MIB1: variants seen among roughly 807,000 people sequenced by gnomAD.
The protein encoded by MIB1 is E3 ubiquitin-protein ligase MIB1.
Under a neutral mutation model 124.5 loss-of-function variants are expected in MIB1, and 278 were observed. The observed-to-expected ratio is 2.23, with a 90% CI of 2.02 to 2.47. The LOEUF is 2.47. Among genes scored for constraint, MIB1 ranks in the 30% most tolerant of loss-of-function variants. The pLI, the probability that MIB1 is intolerant of heterozygous loss-of-function variation, is 0.00. For synonymous variants in MIB1, 446 were observed against 429.4 expected (o/e 1.04, Z -0.48); for missense variants, 957 against 1,254.4 (o/e 0.76, Z 3.58).
intron 18 of MIB1, among the ~76,000 whole-genome samples, chr18:21,853,554 A>G (rs2042199786): frequency 6.6e-6 from 1 of 152,178 alleles, no homozygotes; most frequent in African/African-American, 2.4e-5. Flanking sequence ...CACATATGAA[A>G]TTAGCACGTC....
At chr18:21,812,744 A>G (rs2041788732) in intron 10 of MIB1, among the ~76,000 whole-genome samples, 1 of 152,192 alleles carries the variant, frequency 6.6e-6, no homozygotes, top group Non-Finnish European at 1.5e-5. Context: ...TCCGTTTTAG[A>G]TTTAATTTGA....
chr18:21,803,526 A>G (rs565357345), intron 9 of MIB1, among the ~76,000 whole-genome samples: 34 of 152,294 alleles, frequency 2.2e-4, no homozygotes, highest in Admixed American at 1.8e-3. Context: ...AGCAGCTAAT[A>G]TCTTTTCTAA....
intron 1 of MIB1, among the ~76,000 whole-genome samples, chr18:21,716,047 C>T (rs2040688433): frequency 6.6e-6 from 1 of 152,110 alleles, no homozygotes; most frequent in Admixed American, 6.6e-5. Flanking sequence ...AGATCATTGC[C>T]TAGGCACATT....
chr18:21,864,421 A>G, intron 20 of MIB1, 105 bp from the exon 21 acceptor site: 1 of 921,076 alleles, frequency 1.1e-6, no homozygotes, highest in East Asian at 2.5e-5. Context: ...AACCACCAAA[A>G]TATTATTTGA....
intron 12 of MIB1, among the ~76,000 whole-genome samples, chr18:21,837,630 G>C (rs1288883944): frequency 6.6e-6 from 1 of 152,050 alleles, no homozygotes; most frequent in Non-Finnish European, 1.5e-5. Flanking sequence ...TCTGCTCTTC[G>C]GTGGTTGGAG....
chr18:21,755,293 T>G (rs1312722891), intron 1 of MIB1, among the ~76,000 whole-genome samples: 1 of 152,168 alleles, frequency 6.6e-6, no homozygotes, highest in African/African-American at 2.4e-5. Flanking sequence ...TTTAAACTTT[T>G]GTTTCTGAGG....
intron 18 of MIB1, among the ~76,000 whole-genome samples, chr18:21,853,678 CAA>C (rs2042200686): frequency 6.6e-6 from 1 of 152,074 alleles, no homozygotes. Flanking sequence ...GCTTTTATGT[CAA>C]GAGAGCTTTT....
rs1568229426 is a variant in MIB1 at position 21,857,151 on chromosome 18, A to AGTGT, written c.2691_2694dup (p.Gln899CysfsTer8). The AGTGT allele has an allele frequency of 6.2e-7, 1 of 1,614,064 alleles. No homozygotes were observed. The highest frequency in any genetic ancestry group is 8.5e-7 in the Non-Finnish European group (1 of 1,179,926). ...CCAGACTGTGCTAACCTGATGAAAA[A>AGTGT]GTGTGTGCAGTGTCGAGCAGTAGTT... On this transcript the variant is annotated frameshift_variant, in exon 19 of 21. Transcript: ENST00000261537. LOFTEE classifies it high-confidence loss of function.
At chr18:21,815,400 A>G (rs1044112065) in intron 10 of MIB1, among the ~76,000 whole-genome samples, 1 of 151,762 alleles carries the variant, frequency 6.6e-6, no homozygotes, top group Non-Finnish European at 1.5e-5. Flanking sequence ...ACTCACATTT[A>G]CAGTTTACTT....
At chr18:21,835,801 CCACA>C (rs774725850) in intron 12 of MIB1, among the ~76,000 whole-genome samples, 33 of 101,584 alleles carry the variant, frequency 3.2e-4, no homozygotes, top group African/African-American at 1.1e-3. Context: ...ATATATATAT[CCACA>C]CACACACACA....
intron 12 of MIB1, among the ~76,000 whole-genome samples, chr18:21,831,886 C>T (rs937130503): frequency 6.6e-6 from 1 of 152,176 alleles, no homozygotes; most frequent in Non-Finnish European, 1.5e-5. Context: ...TGCCAAAATA[C>T]ATTTTATAAC....
chr18:21,811,828 G>T (rs1043300572), intron 10 of MIB1, among the ~76,000 whole-genome samples: 1 of 152,052 alleles, frequency 6.6e-6, no homozygotes, highest in African/African-American at 2.4e-5. Flanking sequence ...TGATATGAAT[G>T]TACTTAATAT....
chr18:21,853,342 G>A (rs779292992), intron 18 of MIB1, 124 bp downstream of exon 18: 57 of 654,528 alleles, frequency 8.7e-5, no homozygotes, highest in Non-Finnish European at 1.4e-4. Flanking sequence ...GATGGGCCTC[G>A]AGTACCTTCT....
At chr18:21,789,023 T>A (rs1286769170) in intron 6 of MIB1, among the ~76,000 whole-genome samples, 2 of 152,214 alleles carry the variant, frequency 1.3e-5, no homozygotes, top group South Asian at 4.1e-4. Context: ...ATTGTTTAGA[T>A]GGTATATTAG....
chr18:21,709,047 T>G (rs2040653434), intron 1 of MIB1, among the ~76,000 whole-genome samples: 1 of 152,168 alleles, frequency 6.6e-6, no homozygotes, highest in Non-Finnish European at 1.5e-5. Flanking sequence ...CCGGGCGCGG[T>G]GGCTCACGCC....
At chr18:21,858,669 A>G (rs1426724927) in intron 20 of MIB1, 23 bp downstream of exon 20, 1 of 1,207,224 alleles carries the variant, frequency 8.3e-7, no homozygotes, top group Middle Eastern at 1.9e-4. Flanking sequence ...TCATGTAAAC[A>G]GTGATGCTGT....
At chr18:21,716,410 T>A (rs1330734572) in intron 1 of MIB1, among the ~76,000 whole-genome samples, 2 of 152,038 alleles carry the variant, frequency 1.3e-5, no homozygotes, top group African/African-American at 2.4e-5. Flanking sequence ...AAACAGAACC[T>A]CTTTAAAGCA....
chr18:21,845,329 T>A (rs2042126099), intron 15 of MIB1, among the ~76,000 whole-genome samples: 1 of 152,046 alleles, frequency 6.6e-6, no homozygotes, highest in Non-Finnish European at 1.5e-5. Context: ...CTTCTAATAG[T>A]GATTTGGAAG....
At chr18:21,745,675 AACAC>A (rs144491531) in intron 1 of MIB1, among the ~76,000 whole-genome samples, 44,340 of 144,544 alleles carry the variant, frequency 0.31, 8,083 homozygotes, top group African/African-American at 0.52. Context: ...ATAGGTGTTA[AACAC>A]ACACACACAC....
Sources: gnomAD v4.1 joint callset for allele counts (sites outside exome capture counted in the v4.1 genomes callset) on GRCh38, gnomAD v4.1.1 for gene constraint, MANE v1.5 for transcripts, NCBI Gene and HGNC (gene_info 2026-07-23, HGNC 2026-07-21) for gene names.